PRRC2C: variants seen among roughly 807,000 people sequenced by gnomAD.
PRRC2C encodes the protein protein PRRC2C.
In PRRC2C, 72 loss-of-function variants were observed where a neutral mutation model predicts 317.2. The observed-to-expected ratio is 0.23, with a 90% CI of 0.19 to 0.28. The LOEUF (loss-of-function observed/expected upper bound fraction) is 0.28, where lower values mean the gene tolerates loss of function less well. Among genes scored for constraint, PRRC2C ranks in the 10% least tolerant of loss-of-function variants. PRRC2C has a pLI of 1.00. For synonymous variants in PRRC2C, 1,296 were observed against 1,205.9 expected (o/e 1.07, Z -1.55); for missense variants, 3,074 against 3,459.7 (o/e 0.89, Z 2.80).
rs1261200120 is a variant in PRRC2C, at chr1:171,575,207, C to G, written c.6955+79C>G. ...TATGATCTCTTCTTGTTTACTATCT[C>G]TAGCCCTCCGAAAATAGTAATATTC... is the stretch of plus-strand genomic sequence containing the variant. On this transcript the variant is annotated intron_variant, in intron 25 of 34. Coordinates refer to ENST00000647382, the MANE Select transcript of PRRC2C (RefSeq NM_001387844.1). The G allele has an allele frequency of 1.1e-5, 14 of 1,315,520 alleles. No individual in the cohort carries two copies. In the Admixed American group the frequency reaches 2.7e-4, roughly 25 times the overall value. The allele number at this position is 1,315,520 out of a possible 1,614,324, so 81.5% of individuals were successfully genotyped here. A position where few individuals can be genotyped will look rare whatever the true frequency, so the allele number is the denominator to read the frequency against.
At chr1:171,517,489 A>G (rs888925532) in intron 5 of PRRC2C, 102 bp from the exon 6 acceptor site, 3 of 1,073,812 alleles carry the variant, frequency 2.8e-6, no homozygotes, top group Admixed American at 2.4e-5. Flanking sequence ...CTGCTCTTTC[A>G]CTCTGCTTAC....
intron 19 of PRRC2C, among the ~76,000 whole-genome samples, chr1:171,560,400 T>TTTGAGACTA (rs57556328): frequency 0.8 from 121,500 of 151,792 alleles, 48,764 homozygotes; most frequent in Middle Eastern, 0.89. Flanking sequence ...AACAATGGGA[T>TTTGAGACTA]TTGACTCCAG....
intron 6 of PRRC2C, among the ~76,000 whole-genome samples, chr1:171,521,647 G>A (rs1673591107): frequency 6.6e-6 from 1 of 152,132 alleles, no homozygotes; most frequent in Non-Finnish European, 1.5e-5. Flanking sequence ...TTGAGGTGCT[G>A]GGGCTGGGGA....
Position 171,566,241 on chromosome 1 carries a change from G to A in PRRC2C, c.6126G>A (p.Lys2042=), listed in dbSNP as rs774208858. Reference sequence around the variant, plus strand: ...AAATATTCTTTTACTAGGGAGCGAAGAATGGTCAAGAAAGTGGACTCGAAA... The same window carrying A: ...AAATATTCTTTTACTAGGGAGCGAAAAATGGTCAAGAAAGTGGACTCGAAA... ...FGSAPSSEGA[K]NGQESGLEIG... is the part of the protein sequence containing the mutation. Residue 2042 remains lysine (K), a synonymous_variant, in exon 21 of 35, where the codon AAG becomes AAA. Transcript: ENST00000647382. 8 of 1,609,294 alleles carry A rather than the reference G, an allele frequency of 5.0e-6. No individual in the cohort carries two copies. In the African/African-American group the frequency reaches 9.4e-5, roughly 19 times the overall value.
At chr1:171,550,501 G>A (rs1288539483) in intron 18 of PRRC2C, among the ~76,000 whole-genome samples, 1 of 148,380 alleles carries the variant, frequency 6.7e-6, no homozygotes. Flanking sequence ...AAGTTCTAGG[G>A]TACATGTGCA....
chr1:171,568,968 G>T (rs1410129140), intron 23 of PRRC2C, among the ~76,000 whole-genome samples: 1 of 152,132 alleles, frequency 6.6e-6, no homozygotes, highest in Non-Finnish European at 1.5e-5. Flanking sequence ...ATAATTCAAG[G>T]TTGTGTTAAA....
intron 34 of PRRC2C, among the ~76,000 whole-genome samples, chr1:171,590,804 G>T (rs1315920962): frequency 6.6e-6 from 1 of 152,096 alleles, no homozygotes; most frequent in Non-Finnish European, 1.5e-5. Flanking sequence ...CTGGCTCCTT[G>T]GCTCTTGATT....
In PRRC2C at chr1:171,591,829, C is replaced by G; in HGVS notation, c.8679C>G (p.Thr2893=). The change falls in exon 35 of 35, where the codon ACC becomes ACG. Residue 2893 remains threonine, a synonymous_variant. Transcript: ENST00000647382. ...CAATCAAACCTCAGGCGATCAAAAC[C>G]GAAGAAACAAAATCTTAAAGGCTAT... The part of the protein sequence containing the change: ...TGPIKPQAIK[T]EETKS The G allele has an allele frequency of 6.4e-7, 1 of 1,574,722 alleles. No homozygotes were observed. Among genetic ancestry groups the G allele is most frequent in the Admixed American group, 1.8e-5 (1 of 56,558 alleles).
At position 171,591,868 on chromosome 1, in the gene PRRC2C, G is replaced by A. The variant is rs1226914007; in HGVS notation, c.*21G>A. 3.4e-6 allele frequency: 4 copies of A among 1,174,728 alleles called. No individual in the cohort carries two copies. The African/African-American group carries it at 6.4e-5, about 19-fold the overall frequency. 72.8% of individuals were successfully genotyped at this position (1,174,728 alleles called of 1,614,324 possible). ...CTTAAAGGCTATGGTTTATTGCAGGGGATTGGGAGGGGGGCGGGAAAACAT... is the reference window on the plus strand; with the variant it reads ...CTTAAAGGCTATGGTTTATTGCAGGAGATTGGGAGGGGGGCGGGAAAACAT... On this transcript the variant is annotated 3_prime_UTR_variant, in exon 35 of 35. Transcript: ENST00000647382.
chr1:171,491,816 A>G (rs548148372), intron 1 of PRRC2C, among the ~76,000 whole-genome samples: 1 of 152,342 alleles, frequency 6.6e-6, no homozygotes, highest in South Asian at 2.1e-4. Flanking sequence ...ACTTAACACA[A>G]TTTAATCTTA....
intron 6 of PRRC2C, among the ~76,000 whole-genome samples, chr1:171,519,114 C>T (rs1434969212): frequency 3.3e-5 from 5 of 152,068 alleles, no homozygotes; most frequent in African/African-American, 7.2e-5. Context: ...GAACTCCTAA[C>T]GTCAAGTGAT....
chr1:171,531,139 T>G (rs1262682753), intron 11 of PRRC2C, among the ~76,000 whole-genome samples: 1 of 152,142 alleles, frequency 6.6e-6, no homozygotes, highest in Non-Finnish European at 1.5e-5. Context: ...TTTATACATG[T>G]ATATAAAATT....
At chr1:171,545,892 C>G (rs373856536) in intron 17 of PRRC2C, among the ~76,000 whole-genome samples, 2 of 152,078 alleles carry the variant, frequency 1.3e-5, no homozygotes, top group African/African-American at 4.8e-5. Context: ...TTAGCGTAGC[C>G]TTGAATGCTT....
intron 1 of PRRC2C, among the ~76,000 whole-genome samples, chr1:171,488,834 A>C (rs1005057791): frequency 2.6e-5 from 4 of 152,158 alleles, no homozygotes; most frequent in African/African-American, 9.7e-5. Context: ...TTGTAATGAA[A>C]TTATTATGTG....
At chr1:171,513,434 A>G in intron 3 of PRRC2C, 1 of 550,988 alleles carries the variant, frequency 1.8e-6, no homozygotes, top group Non-Finnish European at 3.5e-6. Context: ...CCCCGCTTTC[A>G]TACTACCACC....
chr1:171,562,527 G>C (rs377296680), intron 20 of PRRC2C, among the ~76,000 whole-genome samples: 1 of 152,208 alleles, frequency 6.6e-6, no homozygotes, highest in South Asian at 2.1e-4. Context: ...TGGCATGAAA[G>C]GTCATGAGAA....
chr1:171,521,056 G>A (rs918885309), intron 6 of PRRC2C, among the ~76,000 whole-genome samples: 3 of 151,530 alleles, frequency 2.0e-5, no homozygotes, highest in East Asian at 1.9e-4. Context: ...TACCCGCTTC[G>A]GCCTCCCAAA....
chr1:171,540,561 A>G lies in PRRC2C; in HGVS notation c.3095A>G (p.Gln1032Arg). 2 of 1,614,010 alleles carry G rather than the reference A, an allele frequency of 1.2e-6. No individual in the cohort carries two copies. The highest frequency in any genetic ancestry group is 1.7e-5 in the Admixed American group (1 of 60,014). Residue 1032 changes from glutamine to arginine, a missense_variant, in exon 16 of 35, where the codon CAG becomes CGG. Gln to Arg is a conservative substitution (Grantham distance 43). Transcript: ENST00000647382. ...AGAGATATGAAAGAGGAACGGGAAC[A>G]GAGGAAGGAGAAAGAAGGAGAAAAG... ...VLRDMKEEREQRKEKEGEKAE... is the reference protein window; with the variant it reads ...VLRDMKEERERRKEKEGEKAE...
At chr1:171,546,026 A>AGTTG (rs2307969) in intron 17 of PRRC2C, among the ~76,000 whole-genome samples, 1 of 151,890 alleles carries the variant, frequency 6.6e-6, no homozygotes, top group Non-Finnish European at 1.5e-5. Context: ...ATTCTTAGTT[A>AGTTG]TATTGGTATA....
Sources: allele counts gnomAD v4.1 joint callset (sites outside exome capture counted in the v4.1 genomes callset), GRCh38; gene constraint gnomAD v4.1.1; transcripts MANE v1.5; gene names NCBI Gene and HGNC (gene_info 2026-07-23, HGNC 2026-07-21).